Variants in ERC2 observed in about 807,000 individuals in gnomAD.
ERC2 encodes ELKS/RAB6-interacting/CAST family member 2.
A neutral mutation model predicts 114.8 loss-of-function variants in ERC2; 42 were observed. That is an observed-to-expected ratio of 0.37 (90% CI 0.29 to 0.47). ERC2 has a LOEUF of 0.47. Ranked by LOEUF, ERC2 falls within the 20% of genes least tolerant of loss-of-function variation. The pLI is 0.99. For synonymous variants in ERC2, 454 were observed against 425.5 expected (o/e 1.07, Z -0.82); for missense variants, 939 against 1,150.7 (o/e 0.82, Z 2.66).
At chr3:55,942,482 A>G (rs1423526144) in intron 13 of ERC2, among the ~76,000 whole-genome samples, 1 of 146,106 alleles carries the variant, frequency 6.8e-6, no homozygotes, top group Non-Finnish European at 1.5e-5. Context: ...TATTTTTAGT[A>G]GAGACGGGGT....
At chr3:56,125,709 G>T (rs1228837494) in intron 6 of ERC2, among the ~76,000 whole-genome samples, 1 of 152,136 alleles carries the variant, frequency 6.6e-6, no homozygotes, top group Non-Finnish European at 1.5e-5. Context: ...ACTGCAAAAA[G>T]TTAAAATGAC....
chr3:56,457,437 G>A (rs2063113517), intron 1 of ERC2, among the ~76,000 whole-genome samples: 1 of 152,122 alleles, frequency 6.6e-6, no homozygotes, highest in African/African-American at 2.4e-5. Context: ...TTGTTCTTCA[G>A]GTCATCTTGC....
intron 7 of ERC2, among the ~76,000 whole-genome samples, chr3:56,032,533 G>A (rs150604428): frequency 1.3e-3 from 202 of 152,222 alleles, no homozygotes; most frequent in African/African-American, 4.2e-3. Flanking sequence ...TGAGTATTCA[G>A]ATCCGTGAAG....
chr3:56,108,753 T>C (rs1052511211), intron 6 of ERC2, among the ~76,000 whole-genome samples: 8 of 152,116 alleles, frequency 5.3e-5, no homozygotes, highest in Admixed American at 3.9e-4. Flanking sequence ...GCATGTCCAA[T>C]ACCATTCTGA....
intron 15 of ERC2, among the ~76,000 whole-genome samples, chr3:55,701,381 G>T (rs906343436): frequency 6.6e-6 from 1 of 152,030 alleles, no homozygotes; most frequent in Non-Finnish European, 1.5e-5. Context: ...AGCAGAAAAG[G>T]CAAACAGCTA....
chr3:55,966,372 G>A (rs932487465), intron 12 of ERC2, among the ~76,000 whole-genome samples: 3 of 152,104 alleles, frequency 2.0e-5, no homozygotes, highest in African/African-American at 4.8e-5. Context: ...GCTCCCAGGG[G>A]CAGGGTGGCC....
chr3:55,769,872 A>G (rs2068068623), intron 14 of ERC2, among the ~76,000 whole-genome samples: 1 of 152,184 alleles, frequency 6.6e-6, no homozygotes, highest in East Asian at 1.9e-4. Flanking sequence ...ATATGGCAGA[A>G]GGTTCTTGTG....
chr3:55,887,204 AT>A (rs2063388088), intron 14 of ERC2, among the ~76,000 whole-genome samples: 1 of 152,204 alleles, frequency 6.6e-6, no homozygotes, highest in African/African-American at 2.4e-5. Context: ...GAGTATAATA[AT>A]ACCTGGTTTT....
At chr3:55,679,355 T>G (rs2061954142) in intron 17 of ERC2, among the ~76,000 whole-genome samples, 1 of 152,202 alleles carries the variant, frequency 6.6e-6, no homozygotes, top group Admixed American at 6.5e-5. Flanking sequence ...GGCTTAAAAC[T>G]TACTTCCTTG....
intron 17 of ERC2, among the ~76,000 whole-genome samples, chr3:55,678,223 C>T (rs1165794164): frequency 6.6e-6 from 1 of 152,098 alleles, no homozygotes; most frequent in African/African-American, 2.4e-5. Flanking sequence ...TAAAACACCT[C>T]GTAGCTACTT....
intron 13 of ERC2, among the ~76,000 whole-genome samples, chr3:55,934,995 G>GT (rs1438303683): frequency 6.6e-6 from 1 of 152,190 alleles, no homozygotes; most frequent in East Asian, 1.9e-4. Context: ...ATTCTAAGCA[G>GT]TGACCTTGGA....
intron 3 of ERC2, among the ~76,000 whole-genome samples, chr3:56,261,432 A>T (rs1041147740): frequency 1.3e-5 from 2 of 152,186 alleles, no homozygotes; most frequent in African/African-American, 4.8e-5. Flanking sequence ...CGTCTACAAG[A>T]AGGGGAAGCC....
chr3:55,962,047 A>G (rs766622766), intron 12 of ERC2, among the ~76,000 whole-genome samples: 5 of 152,188 alleles, frequency 3.3e-5, no homozygotes, highest in African/African-American at 4.8e-5. Flanking sequence ...GAGTACTGTT[A>G]GCTGGTGCTA....
At chr3:55,777,966 A>G (rs374812793) in intron 14 of ERC2, among the ~76,000 whole-genome samples, 3 of 152,332 alleles carry the variant, frequency 2.0e-5, no homozygotes, top group African/African-American at 7.2e-5. Context: ...CTTTCAGACC[A>G]TAGGAAATTT....
chr3:56,464,424 C>T (rs949224654), intron 1 of ERC2, among the ~76,000 whole-genome samples: 1 of 152,198 alleles, frequency 6.6e-6, no homozygotes, highest in Non-Finnish European at 1.5e-5. Context: ...TACACAGCCA[C>T]CCCAAGGAGC....
chr3:56,090,573 T>C (rs566352388), intron 6 of ERC2, among the ~76,000 whole-genome samples: 1 of 152,184 alleles, frequency 6.6e-6, no homozygotes, highest in South Asian at 2.1e-4. Flanking sequence ...AAAACAGATA[T>C]AAACTCTAAG....
At chr3:55,703,776 T>A (rs919240757) in intron 15 of ERC2, among the ~76,000 whole-genome samples, 4 of 152,264 alleles carry the variant, frequency 2.6e-5, no homozygotes, top group African/African-American at 9.6e-5. Context: ...AGTATTTAAC[T>A]TTTGATGTGG....
chr3:56,320,572 T>TA (rs2057081868), intron 2 of ERC2, among the ~76,000 whole-genome samples: 1 of 152,048 alleles, frequency 6.6e-6, no homozygotes, highest in Admixed American at 6.5e-5. Flanking sequence ...TGGCAAACAC[T>TA]AAAAAACAGG....
At chr3:55,842,372 CG>C (rs2061170761) in intron 14 of ERC2, among the ~76,000 whole-genome samples, 3 of 152,106 alleles carry the variant, frequency 2.0e-5, no homozygotes, top group African/African-American at 7.2e-5. Context: ...GTGGGTGTCC[CG>C]TTCCAGGGAC....
Sources: gnomAD v4.1 joint callset for allele counts (sites outside exome capture counted in the v4.1 genomes callset) on GRCh38, gnomAD v4.1.1 for gene constraint, MANE v1.5 for transcripts, NCBI Gene and HGNC (gene_info 2026-07-23, HGNC 2026-07-21) for gene names.